The following GABRG3 variants were observed in gnomAD, a reference collection of about 807,000 sequenced individuals.
GABRG3 encodes gamma-aminobutyric acid type A receptor subunit gamma3.
GABRG3 carries 25 observed loss-of-function variants against 48.8 expected under a neutral mutation model. That is an observed-to-expected ratio of 0.51 (90% CI 0.37 to 0.72). GABRG3 has a LOEUF of 0.72. Ranked by LOEUF, GABRG3 falls within the 30% of genes least tolerant of loss-of-function variation. The probability of loss-of-function intolerance (pLI) is 0.00; values close to 1 mark genes in which losing one functional copy is unlikely to be tolerated. For missense variants in GABRG3, 394 were observed against 577.9 expected (o/e 0.68, Z 3.26); for synonymous variants, 227 against 217.6 (o/e 1.04, Z -0.38).
Position 27,236,216 on chromosome 15 carries a change from C to G in GABRG3, c.271-90593C>G, listed in dbSNP as rs1255304483. On this transcript the variant is annotated intron_variant, in intron 3 of 9. Transcript: ENST00000615808. The surrounding 1 kb of genome is among the most constrained non-coding windows in gnomAD (Gnocchi z 4.4). ...CATCTCAGGAGGAAGCCTGCTTATC[C>G]CTGTGGAGACTCTGATGTGCTCAGC... is the stretch of plus-strand genomic sequence containing the variant. 6.6e-6 allele frequency among the ~76,000 whole-genome samples: 1 copy of G among 152,294 alleles called. No homozygotes were observed. The highest frequency in any genetic ancestry group is 3.4e-3 in the Middle Eastern group (1 of 294).
chr15:26,996,736 G>A (rs550073131), intron 2 of GABRG3, among the ~76,000 whole-genome samples: 2 of 151,990 alleles, frequency 1.3e-5, no homozygotes, highest in East Asian at 1.9e-4. Context: ...TGCAAGCTCC[G>A]CCTCCTGGGT....
intron 5 of GABRG3, among the ~76,000 whole-genome samples, chr15:27,427,151 T>C (rs1466078061): frequency 2.0e-5 from 3 of 152,224 alleles, no homozygotes; most frequent in East Asian, 3.8e-4. Context: ...AACAATATCA[T>C]TTTATAATTG....
chr15:27,151,613 A>G (rs935877389), intron 3 of GABRG3, among the ~76,000 whole-genome samples: 18 of 152,186 alleles, frequency 1.2e-4, no homozygotes, highest in African/African-American at 2.4e-4. Context: ...GGTTGACCCA[A>G]CGTATCACAA....
chr15:27,321,019 C>T (rs963181613), intron 3 of GABRG3, among the ~76,000 whole-genome samples: 21 of 152,210 alleles, frequency 1.4e-4, no homozygotes, highest in African/African-American at 5.1e-4. Context: ...CCCTTCACAA[C>T]CTGCCCTCCT....
intron 5 of GABRG3, among the ~76,000 whole-genome samples, chr15:27,336,539 C>T (rs1812321071): frequency 6.6e-6 from 1 of 152,156 alleles, no homozygotes. Flanking sequence ...CAAATCCTGG[C>T]AAGGATGTGG....
chr15:27,435,458 G>GTT, intron 5 of GABRG3, among the ~76,000 whole-genome samples: 1 of 152,166 alleles, frequency 6.6e-6, no homozygotes, highest in East Asian at 1.9e-4. Flanking sequence ...AAAATGAGTG[G>GTT]AGACCAGATT....
chr15:27,357,042 C>A (rs183434070), intron 5 of GABRG3, among the ~76,000 whole-genome samples: 2 of 152,246 alleles, frequency 1.3e-5, no homozygotes, highest in African/African-American at 4.8e-5. Flanking sequence ...TGATCACCAA[C>A]AGTAGGAAGT....
At chr15:27,144,647 G>T (rs1312766310) in intron 3 of GABRG3, among the ~76,000 whole-genome samples, 1 of 152,204 alleles carries the variant, frequency 6.6e-6, no homozygotes, top group Non-Finnish European at 1.5e-5. Context: ...TGGAAATCCA[G>T]AAGTTCACAT....
chr15:27,093,747 A>G (rs1214995981), intron 3 of GABRG3, among the ~76,000 whole-genome samples: 1 of 152,198 alleles, frequency 6.6e-6, no homozygotes, highest in South Asian at 2.1e-4. Flanking sequence ...TGTAAGTCAG[A>G]GAGTGACATA....
At chr15:27,283,420 A>G (rs1394974019) in intron 3 of GABRG3, among the ~76,000 whole-genome samples, 4 of 152,306 alleles carry the variant, frequency 2.6e-5, no homozygotes, top group African/African-American at 7.2e-5. Flanking sequence ...CCTGGCCAAC[A>G]TGGTGAAACG....
chr15:27,219,666 C>T (rs986703414), intron 3 of GABRG3, among the ~76,000 whole-genome samples: 11 of 152,208 alleles, frequency 7.2e-5, no homozygotes, highest in Non-Finnish European at 1.2e-4. Context: ...GCTGCAGCCC[C>T]CAGACTCTTG....
At chr15:27,316,744 C>T (rs567228414) in intron 3 of GABRG3, among the ~76,000 whole-genome samples, 1 of 152,254 alleles carries the variant, frequency 6.6e-6, no homozygotes, top group East Asian at 1.9e-4. Context: ...AAGGCTATGG[C>T]TGTGAAACTG....
chr15:27,069,461 G>A (rs573367881), intron 3 of GABRG3, among the ~76,000 whole-genome samples: 4 of 152,288 alleles, frequency 2.6e-5, no homozygotes, highest in South Asian at 4.1e-4. Flanking sequence ...CGGTTCTACC[G>A]TGTATCAGGT....
At chr15:27,039,102 G>A (rs1896230071) in intron 3 of GABRG3, among the ~76,000 whole-genome samples, 1 of 152,222 alleles carries the variant, frequency 6.6e-6, no homozygotes, top group African/African-American at 2.4e-5. Context: ...GAGGGTCAGT[G>A]GGTGTAAAGT....
intron 3 of GABRG3, among the ~76,000 whole-genome samples, chr15:27,160,640 G>T (rs191607490): frequency 6.6e-6 from 1 of 150,620 alleles, no homozygotes; most frequent in East Asian, 2.0e-4. Context: ...GCATCCTCCT[G>T]TTATTTCAAT....
At chr15:27,515,275 G>A (rs761053239) in intron 6 of GABRG3, among the ~76,000 whole-genome samples, 1 of 151,992 alleles carries the variant, frequency 6.6e-6, no homozygotes. Context: ...TGTATTTTTA[G>A]TAGAGACGGG....
At chr15:27,383,552 A>G (rs558799970) in intron 5 of GABRG3, among the ~76,000 whole-genome samples, 6 of 152,304 alleles carry the variant, frequency 3.9e-5, no homozygotes, top group Admixed American at 2.0e-4. Flanking sequence ...TATTTGTCTC[A>G]TTTAAAAAAA....
chr15:27,531,274 C>T (rs765462845), intron 9 of GABRG3, among the ~76,000 whole-genome samples: 5 of 152,190 alleles, frequency 3.3e-5, no homozygotes, highest in Admixed American at 6.5e-5. Flanking sequence ...TTTACAAGAA[C>T]GCACCAAAGG....
In GABRG3 at chr15:27,293,044, G is replaced by A. The variant is rs570987709; in HGVS notation, c.271-33765G>A. 1.2e-4 allele frequency among the ~76,000 whole-genome samples: 18 copies of A among 152,236 alleles called. No individual in the cohort carries two copies. The South Asian group carries it at 3.5e-3, about 30-fold the overall frequency. ...AAACTGCATTCATTGAAAATGCCAC[G>A]AAGGTTCCTGGGGCGATGCCGTGAA... On this transcript the variant is annotated intron_variant, in intron 3 of 9. Transcript: ENST00000615808.
Sources: gnomAD v4.1 joint callset for allele counts (sites outside exome capture counted in the v4.1 genomes callset) on GRCh38, gnomAD v4.1.1 for gene constraint, Gnocchi (gnomAD v3.1) non-coding constraint, MANE v1.5 for transcripts, NCBI Gene and HGNC (gene_info 2026-07-23, HGNC 2026-07-21) for gene names.